The following MTERF4 variants were observed in gnomAD, a reference collection of about 807,000 sequenced individuals.
MTERF4 encodes mitochondrial transcription termination factor 4, also known as transcription termination factor 4, mitochondrial.
In MTERF4, 17 loss-of-function variants were observed where a neutral mutation model predicts 22.5. The ratio of observed to expected loss-of-function variants is 0.75; its 90% CI spans 0.52 to 1.13. MTERF4 has a LOEUF of 1.13. Ranked by LOEUF, MTERF4 falls within the 50% of genes most tolerant of loss-of-function variation. The pLI, the probability that MTERF4 is intolerant of heterozygous loss-of-function variation, is 0.00. For synonymous variants in MTERF4, 165 were observed against 175.3 expected, an observed-to-expected ratio of 0.94 and a Z score of 0.47; for missense variants, 420 against 466.8, an observed-to-expected ratio of 0.90 and a Z score of 0.92.
rs776830465 is a variant in MTERF4, at chr2:241,099,713, T to C, written c.203A>G (p.Glu68Gly). Residue 68 changes from glutamate to glycine, a missense_variant, in exon 2 of 4, where the codon GAG becomes GGG. Coordinates refer to ENST00000391980, the MANE Select transcript of MTERF4 (RefSeq NM_182501.4). ...VRSNNYVQEP[E>G]CRRNLVQCLL... is the part of the protein sequence containing the mutation. ...GCACTGAACAAGATTCCTCCTGCACTCTGGTTCCTGCACATAGTTATTGGA... is the reference window on the plus strand; with the variant it reads ...GCACTGAACAAGATTCCTCCTGCACCCTGGTTCCTGCACATAGTTATTGGA... 6.2e-7 allele frequency: 1 copy of C among 1,614,216 alleles called. No homozygotes were observed. The highest frequency in any genetic ancestry group is 1.1e-5 in the South Asian group (1 of 91,084).
downstream of MTERF4, chr2:241,067,993 TG>T (rs773425941): frequency 5.0e-6 from 6 of 1,210,776 alleles, no homozygotes; most frequent in African/African-American, 6.1e-5. Flanking sequence ...AAGGCAGGGG[TG>T]GGGGCTCGGG....
the MTERF4 span, among the ~76,000 whole-genome samples, chr2:241,048,065 T>G: frequency 2.0e-5 from 3 of 152,326 alleles, no homozygotes; most frequent in Non-Finnish European, 2.9e-5. Context: ...CTCCGGTGCT[T>G]CTTGTTCTGT....
At chr2:241,056,803 G>A in the MTERF4 span, among the ~76,000 whole-genome samples, 1 of 150,690 alleles carries the variant, frequency 6.6e-6, no homozygotes, top group African/African-American at 2.4e-5. Context: ...GGATGGTCTC[G>A]ATCTCCTGAC....
chr2:241,065,443 G>A, the MTERF4 span: 2 of 1,613,026 alleles, frequency 1.2e-6, no homozygotes, highest in South Asian at 1.1e-5. Context: ...GGCTCCTACC[G>A]CCGCACAGAC....
chr2:241,074,869 TCCC>T (rs2062945710), exon 5 of MTERF4: 1 of 152,236 alleles, frequency 6.6e-6, no homozygotes, highest in South Asian at 2.1e-4. Flanking sequence ...CCCTGTTCTC[TCCC>T]CTCAGTTAAC....
chr2:241,056,175 C>T, the MTERF4 span, among the ~76,000 whole-genome samples: 13 of 151,738 alleles, frequency 8.6e-5, no homozygotes, highest in African/African-American at 2.2e-4. Context: ...TAAAGAAAAA[C>T]GAGAGGCAGA....
chr2:241,100,077 G>GT (rs1370405584), intron 1 of MTERF4, 183 bp from the exon 2 acceptor site: 1 of 671,584 alleles, frequency 1.5e-6, no homozygotes, highest in Non-Finnish European at 2.4e-6. Flanking sequence ...AAAGAACAGG[G>GT]TATTTCAAGG....
At chr2:241,062,647 GA>G in the MTERF4 span, 1 of 701,160 alleles carries the variant, frequency 1.4e-6, no homozygotes, top group African/African-American at 1.8e-5. Context: ...CGACTCCAAG[GA>G]TATCCAGCCC....
chr2:241,091,111 G>A (rs2063945822), downstream of MTERF4, among the ~76,000 whole-genome samples: 1 of 151,786 alleles, frequency 6.6e-6, no homozygotes, highest in Non-Finnish European at 1.5e-5. The surrounding 1 kb of genome is among the most constrained non-coding windows in gnomAD (Gnocchi z 4.1). Flanking sequence ...AAACAAATCA[G>A]AAACCCCCAA....
rs1298483480 is a variant in MTERF4 at position 241,097,337 on chromosome 2, T to G, written c.611A>C (p.Lys204Thr). ...INDTVRLLKE[K>T]CLFTVQQVTK... Reference sequence around the variant, plus strand: ...GACTTGCTGTACCGTGAAAAGGCACTTCTCCTTGAGAAGCCTGACAGTGTC... The same window carrying G: ...GACTTGCTGTACCGTGAAAAGGCACGTCTCCTTGAGAAGCCTGACAGTGTC... The change falls in exon 3 of 4, where the codon AAG (lysine) becomes ACG (threonine). Residue 204 changes from lysine (K) to threonine (T), a missense_variant. By Grantham distance (78) the Lys-to-Thr change is moderately conservative (BLOSUM62 -1). Transcript: ENST00000391980. 2 of 1,614,226 alleles carry G rather than the reference T, an allele frequency of 1.2e-6. No homozygotes were observed. The highest frequency in any genetic ancestry group is 8.5e-7 in the Non-Finnish European group (1 of 1,180,032).
chr2:241,045,205 A>G, the MTERF4 span, among the ~76,000 whole-genome samples: 1 of 152,234 alleles, frequency 6.6e-6, no homozygotes, highest in Admixed American at 6.5e-5. Flanking sequence ...AGAAGACTCA[A>G]CGTAGTAAAT....
chr2:241,065,505 A>G, the MTERF4 span: 3 of 1,612,394 alleles, frequency 1.9e-6, no homozygotes, highest in African/African-American at 4.0e-5. Context: ...GGCGGCCGGC[A>G]GGGCCTACAA....
Position 241,099,661 on chromosome 2 carries a change from C to T in MTERF4, c.255G>A (p.Val85=). The change falls in exon 2 of 4, where the codon GTG becomes GTA. Residue 85 remains valine (V), a synonymous_variant. Transcript: ENST00000391980. ...TCTCTAGCTCCAAGGACCCTTGTAC[C>T]ACAGGAGTCCCCTGCTTCTCAAGGA... ...QCLLEKQGTP[V]VQGSLELERV... 6.2e-7 allele frequency: 1 copy of T among 1,614,180 alleles called. No individual in the cohort carries two copies.
chr2:241,096,644 C>A lies in MTERF4; in HGVS notation c.706-206G>T. The A allele has an allele frequency of 1.4e-6, 1 of 703,070 alleles. No homozygotes were observed. The allele number at this position is 703,070 out of a possible 1,614,324, so 43.6% of individuals were successfully genotyped here. On this transcript the variant is annotated intron_variant, in intron 3 of 3. Transcript: ENST00000391980. The surrounding 1 kb of genome is among the most constrained non-coding windows in gnomAD (Gnocchi z 5.1). ...CAAATTCATCCTGAGAAACATGGAG[C>A]AGGAAATAAAGGGGTGGGAGGGAAA... is the stretch of plus-strand genomic sequence containing the variant.
chr2:241,075,997 G>A lies in MTERF4; in HGVS notation n.480-315C>T, dbSNP rs1057042603. 1.5e-4 allele frequency among the ~76,000 whole-genome samples: 23 copies of A among 152,170 alleles called. No homozygotes were observed. The highest frequency in any genetic ancestry group is 9.8e-4 in the Admixed American group (15 of 15,296). ...CCACATATAAAAGTAGAATTCTGGC[G>A]GCGTCAATTTGATACATCTGTGCCA... On this transcript the variant is annotated intron_variant and non_coding_transcript_variant, in intron 4 of 4. Coordinates refer to the MTERF4 transcript ENST00000464344. This position sits in a 1 kb window ranked among gnomAD's most constrained non-coding sequence, Gnocchi z 4.8.
chr2:241,072,149 A>C, downstream of MTERF4: 1 of 677,252 alleles, frequency 1.5e-6, no homozygotes, highest in East Asian at 2.9e-5. Flanking sequence ...AGAGAAGATA[A>C]ACATTTTAGA....
At chr2:241,093,795 G>A (rs955543580), downstream of MTERF4, 8 of 152,410 alleles carry the variant, frequency 5.2e-5, no homozygotes, top group East Asian at 1.3e-3. Flanking sequence ...TTTCCCATGT[G>A]GCTTCTTTTA....
chr2:241,065,650 C>T, the MTERF4 span: 7 of 1,480,900 alleles, frequency 4.7e-6, no homozygotes, highest in African/African-American at 2.8e-5. Flanking sequence ...TCGAGGGCAG[C>T]GCTGGCCCCG....
chr2:241,086,550 C>T (rs1050908984), downstream of MTERF4, among the ~76,000 whole-genome samples: 1 of 152,218 alleles, frequency 6.6e-6, no homozygotes. Context: ...ATTACAGTCT[C>T]GTGTTGTCTG....
Sources: allele counts gnomAD v4.1 joint callset (sites outside exome capture counted in the v4.1 genomes callset), GRCh38; gene constraint gnomAD v4.1.1; non-coding constraint Gnocchi (gnomAD v3.1); transcripts MANE v1.5; gene names NCBI Gene and HGNC (gene_info 2026-07-23, HGNC 2026-07-21).